Variants in FOCAD observed in about 807,000 individuals in gnomAD.
FOCAD encodes focadhesin.
In FOCAD, 198 loss-of-function variants were observed where a neutral mutation model predicts 225.6. That is an observed-to-expected ratio of 0.88 (90% CI 0.78 to 0.99). The LOEUF (loss-of-function observed/expected upper bound fraction) is 0.99, where lower values mean the gene tolerates loss of function less well. Ranked by LOEUF, FOCAD falls within the 50% of genes least tolerant of loss-of-function variation. The pLI, the probability that FOCAD is intolerant of heterozygous loss-of-function variation, is 0.00. For synonymous variants in FOCAD, 897 were observed against 755.0 expected, an observed-to-expected ratio of 1.19 and a Z score of -3.08; for missense variants, 2,713 against 2,123.6, an observed-to-expected ratio of 1.28 and a Z score of -5.46.
intron 11 of FOCAD, among the ~76,000 whole-genome samples, chr9:20,805,888 G>T (rs1822393730): frequency 6.6e-6 from 1 of 152,192 alleles, no homozygotes; most frequent in South Asian, 2.1e-4. Context: ...GCTAATGAGA[G>T]GCTTGACCTA....
chr9:20,755,201 C>G (rs973078502), intron 5 of FOCAD, among the ~76,000 whole-genome samples: 1 of 152,130 alleles, frequency 6.6e-6, no homozygotes, highest in Admixed American at 6.6e-5. Context: ...CTGACATAAT[C>G]AATTATTTGG....
intron 28 of FOCAD, among the ~76,000 whole-genome samples, chr9:20,939,404 T>C (rs2132279723): frequency 6.6e-6 from 1 of 152,226 alleles, no homozygotes; most frequent in Non-Finnish European, 1.5e-5. Context: ...AGATGTTCAT[T>C]GTAGCTTAGC....
intron 24 of FOCAD, among the ~76,000 whole-genome samples, chr9:20,923,197 T>C (rs1197692283): frequency 6.6e-6 from 1 of 152,198 alleles, no homozygotes; most frequent in Non-Finnish European, 1.5e-5. Flanking sequence ...GTATGCAGGC[T>C]GAAGTGGTTT....
chr9:20,907,920 G>A (rs779108425), intron 22 of FOCAD, among the ~76,000 whole-genome samples: 2 of 151,982 alleles, frequency 1.3e-5, no homozygotes, highest in Non-Finnish European at 2.9e-5. Flanking sequence ...GTTATTTGGC[G>A]AGGACTTCCA....
At chr9:20,857,178 T>C (rs1828271540) in intron 15 of FOCAD, among the ~76,000 whole-genome samples, 1 of 152,116 alleles carries the variant, frequency 6.6e-6, no homozygotes, top group Admixed American at 6.6e-5. Flanking sequence ...TTGCTTTAAG[T>C]AATGTGGACA....
At chr9:20,985,900 G>T (rs1841109618) in intron 39 of FOCAD, among the ~76,000 whole-genome samples, 1 of 152,084 alleles carries the variant, frequency 6.6e-6, no homozygotes, top group African/African-American at 2.4e-5. Flanking sequence ...ATGTATCTTG[G>T]GGTTCCACAG....
At chr9:20,865,838 T>C in intron 16 of FOCAD, 88 bp from the exon 17 acceptor site, 1 of 879,484 alleles carries the variant, frequency 1.1e-6, no homozygotes, top group South Asian at 1.7e-5. Context: ...AAAAGTGACT[T>C]AATTTTCATT....
Position 20,881,975 on chromosome 9 carries a change from A to T in FOCAD, c.2422A>T (p.Lys808Ter). ...AGGAGGTGCCCGCTCAGACCAAGGAAAGACTGTAGCAGGAATCCCCAATTT... is the reference window on the plus strand; with the variant it reads ...AGGAGGTGCCCGCTCAGACCAAGGATAGACTGTAGCAGGAATCCCCAATTT... The part of the protein sequence containing the change: ...LKGGARSDQG[K>*]TVAGIPNFIL... The change falls in exon 20 of 44, where the codon AAG becomes TAG. Residue 808 changes from lysine to a stop codon, truncating the protein, a stop_gained. Transcript: ENST00000338382. LOFTEE classifies it high-confidence loss of function. 1 of 1,613,998 alleles carries T rather than the reference A, an allele frequency of 6.2e-7. No homozygotes were observed. Among genetic ancestry groups the T allele is most frequent in the Non-Finnish European group, 8.5e-7 (1 of 1,179,906 alleles).
At chr9:20,757,331 A>G (rs1194703886) in intron 5 of FOCAD, among the ~76,000 whole-genome samples, 2 of 152,264 alleles carry the variant, frequency 1.3e-5, no homozygotes, top group Admixed American at 1.3e-4. Context: ...ATTTACAATT[A>G]TTAGTAGAGT....
At chr9:20,935,409 G>T (rs1587658081) in intron 28 of FOCAD, among the ~76,000 whole-genome samples, 1 of 152,024 alleles carries the variant, frequency 6.6e-6, no homozygotes, top group Non-Finnish European at 1.5e-5. Flanking sequence ...TTTTATTTAT[G>T]TATTTATTTA....
At chr9:20,853,589 T>C (rs1827883163) in intron 15 of FOCAD, among the ~76,000 whole-genome samples, 1 of 151,796 alleles carries the variant, frequency 6.6e-6, no homozygotes, top group South Asian at 2.1e-4. Context: ...CTCTAAGGCA[T>C]AGTTTGGGAT....
intron 5 of FOCAD, among the ~76,000 whole-genome samples, chr9:20,756,916 T>A (rs150826600): frequency 6.6e-6 from 1 of 152,356 alleles, no homozygotes; most frequent in Non-Finnish European, 1.5e-5. Flanking sequence ...GTTTGCATGT[T>A]TTTACAATGA....
At chr9:20,924,632 GTATTCTTTTT>G (rs1282083387) in intron 25 of FOCAD, among the ~76,000 whole-genome samples, 1 of 151,934 alleles carries the variant, frequency 6.6e-6, no homozygotes, top group African/African-American at 2.4e-5. Flanking sequence ...TGGGCTATCT[GTATTCTTTTT>G]TTGTTGTTGT....
chr9:20,771,771 C>G (rs746348187), intron 8 of FOCAD, among the ~76,000 whole-genome samples: 80 of 152,246 alleles, frequency 5.3e-4, no homozygotes, highest in Non-Finnish European at 7.4e-4. Context: ...CATAAATAAA[C>G]AAATAAAATT....
chr9:20,763,544 A>G lies in FOCAD; in HGVS notation c.495-1325A>G, dbSNP rs186984586. 2.6e-5 allele frequency among the ~76,000 whole-genome samples: 4 copies of G among 152,346 alleles called. No individual in the cohort carries two copies. The East Asian group carries it at 7.7e-4, about 29-fold the overall frequency. ...GTGATCTGATCAAGGTGAAGTGTCA[A>G]GGAAGGACCTGAGAAAGTCATTTTA... On this transcript the variant is annotated intron_variant, in intron 6 of 43. Coordinates refer to ENST00000338382, the MANE Select transcript of FOCAD (RefSeq NM_001375567.1).
At chr9:20,973,221 T>C (rs1369768481) in intron 35 of FOCAD, among the ~76,000 whole-genome samples, 1 of 151,842 alleles carries the variant, frequency 6.6e-6, no homozygotes, top group Non-Finnish European at 1.5e-5. Flanking sequence ...CCCTCTTCTT[T>C]CAGCATCTGC....
At chr9:20,758,641 T>G (rs1017933184) in intron 6 of FOCAD, among the ~76,000 whole-genome samples, 6 of 151,986 alleles carry the variant, frequency 3.9e-5, no homozygotes, top group Non-Finnish European at 8.8e-5. Flanking sequence ...TTGTGATAGT[T>G]TACTGAGAAT....
intron 1 of FOCAD, among the ~76,000 whole-genome samples, chr9:20,710,961 C>T (rs1467500694): frequency 1.3e-5 from 2 of 152,210 alleles, no homozygotes; most frequent in Non-Finnish European, 2.9e-5. Flanking sequence ...GATCAGAACA[C>T]AGCTATAGTC....
intron 4 of FOCAD, among the ~76,000 whole-genome samples, chr9:20,729,990 C>G (rs1026950089): frequency 1.3e-5 from 2 of 152,166 alleles, no homozygotes; most frequent in Admixed American, 1.3e-4. Context: ...GAAACAACCA[C>G]TGCTTTGTTT....
Sources: allele counts gnomAD v4.1 joint callset (sites outside exome capture counted in the v4.1 genomes callset), GRCh38; gene constraint gnomAD v4.1.1; transcripts MANE v1.5; gene names NCBI Gene and HGNC (gene_info 2026-07-23, HGNC 2026-07-21).